The following SETD7 variants were observed in gnomAD, a reference collection of about 807,000 sequenced individuals.
The protein encoded by SETD7 is histone-lysine N-methyltransferase SETD7.
Under a neutral mutation model 41.8 loss-of-function variants are expected in SETD7, and 16 were observed. The observed-to-expected ratio is 0.38, with a 90% confidence interval of 0.26 to 0.58. The LOEUF is 0.58. SETD7 is among the 20% of genes least tolerant of loss of function. SETD7 has a pLI of 0.64. For missense variants in SETD7, 346 were observed against 459.7 expected (o/e 0.75, Z 2.26); for synonymous variants, 163 against 169.7 (o/e 0.96, Z 0.31).
intron 4 of SETD7, among the ~76,000 whole-genome samples, chr4:139,524,525 C>T (rs1359588617): frequency 6.6e-6 from 1 of 152,156 alleles, no homozygotes; most frequent in Non-Finnish European, 1.5e-5. Context: ...GGGCCTTCCT[C>T]ATGGGAGATG....
chr4:139,520,480 C>A lies in SETD7; in HGVS notation c.645-86G>T, dbSNP rs974495286. ...AACTGCCAAAATATCATTAAGGCTA[C>A]TGATTCCAAAATGTCAATTCATAAC... On this transcript the variant is annotated intron_variant, in intron 5 of 7. Transcript: ENST00000274031. 4 of 681,758 alleles carry A rather than the reference C, an allele frequency of 5.9e-6. No individual in the cohort carries two copies. The African/African-American group carries it at 7.3e-5, about 13-fold the overall frequency. 42.2% of individuals were successfully genotyped at this position (681,758 alleles called of 1,614,324 possible).
chr4:139,534,565 T>C (rs1173944800), intron 2 of SETD7, among the ~76,000 whole-genome samples: 1 of 152,108 alleles, frequency 6.6e-6, no homozygotes, highest in African/African-American at 2.4e-5. Context: ...ATTTTTGTTT[T>C]TTTTTGTAGA....
downstream of SETD7, among the ~76,000 whole-genome samples, chr4:139,504,734 G>A (rs1447748288): frequency 6.6e-6 from 1 of 152,086 alleles, no homozygotes; most frequent in African/African-American, 2.4e-5. Context: ...TAGTATAGCT[G>A]GGATGGTTAC....
chr4:139,534,219 T>G (rs1319170191), intron 2 of SETD7, among the ~76,000 whole-genome samples: 1 of 152,204 alleles, frequency 6.6e-6, no homozygotes, highest in East Asian at 1.9e-4. Flanking sequence ...TGTTATCCTC[T>G]GAAAGGCCCT....
At chr4:139,523,304 T>A in intron 5 of SETD7, 50 bp downstream of exon 5, 2 of 1,401,486 alleles carry the variant, frequency 1.4e-6, no homozygotes, top group African/African-American at 1.4e-5. Context: ...CCACTAGGCT[T>A]ATTTAACCTC....
At position 139,520,379 on chromosome 4, in the gene SETD7, T is replaced by G; in HGVS notation, c.660A>C (p.Glu220Asp). Residue 220 changes from glutamate (E) to aspartate (D), a missense_variant, in exon 6 of 8, where the codon GAA (glutamate) becomes GAC (aspartate). This residue lies in a region of SETD7 where 266 missense variants were observed against 377.0 expected (regional missense o/e 0.71). Transcript: ENST00000274031. ...CTTCTCCAGCACTGGAAATAAGAGA[T>G]TCAGCAACATAAACCCTAAATTGAA... The part of the protein sequence containing the change: ...PYESERVYVA[E>D]SLISSAGEGL... 1 of 1,603,638 alleles carries G rather than the reference T, an allele frequency of 6.2e-7. No homozygotes were observed. Among genetic ancestry groups the G allele is most frequent in the Non-Finnish European group, 8.5e-7 (1 of 1,173,988 alleles).
At chr4:139,552,843 CT>C (rs753954698) in intron 1 of SETD7, among the ~76,000 whole-genome samples, 1 of 152,330 alleles carries the variant, frequency 6.6e-6, no homozygotes, top group Non-Finnish European at 1.5e-5. Context: ...CACAATTCAT[CT>C]GTATAGATAT....
chr4:139,503,108 G>A (rs1322208042), downstream of SETD7, among the ~76,000 whole-genome samples: 1 of 148,664 alleles, frequency 6.7e-6, no homozygotes, highest in East Asian at 2.0e-4. Context: ...AACCTGGGAG[G>A]TGGAGGTTGC....
At chr4:139,512,736 CT>C (rs918983576) in intron 7 of SETD7, among the ~76,000 whole-genome samples, 14 of 136,352 alleles carry the variant, frequency 1.0e-4, no homozygotes, top group African/African-American at 2.7e-4. Flanking sequence ...CATTTAGAGT[CT>C]TTTTTTTTCT....
intron 7 of SETD7, among the ~76,000 whole-genome samples, chr4:139,516,332 G>A (rs114315373): frequency 0.094 from 14,235 of 151,978 alleles, 819 homozygotes; most frequent in South Asian, 0.17. Context: ...CATGCATAAT[G>A]GCAGGTGCCT....
intron 5 of SETD7, 42 bp downstream of exon 5, chr4:139,523,312 C>A: frequency 6.9e-7 from 1 of 1,441,384 alleles, no homozygotes; most frequent in East Asian, 2.3e-5. Flanking sequence ...CTTATTTAAC[C>A]TCACATAAAC....
rs111238885 is a variant in SETD7, at chr4:139,500,698, G to A, written c.921-4177C>T. Among the ~76,000 whole-genome samples the A allele has an allele frequency of 8.7e-3, 1,321 of 152,236 alleles. 13 individuals carry two copies. The highest frequency in any genetic ancestry group is 0.024 in the Middle Eastern group (7 of 294). ...TAATTTTTGTATTATCAGTAGAGAC[G>A]GGGTTTTGCCATGTTGGCAAGGCTG... On this transcript the variant is annotated intron_variant, in intron 7 of 7. Transcript: ENST00000506866.
At chr4:139,496,670 C>T (rs1407302468) in intron 7 of SETD7, 7 of 606,066 alleles carry the variant, frequency 1.2e-5, no homozygotes, top group African/African-American at 1.1e-4. Flanking sequence ...CTTTTGCTGG[C>T]TCTGACTTTT....
downstream of SETD7, among the ~76,000 whole-genome samples, chr4:139,495,780 A>G (rs1726443162): frequency 6.6e-6 from 1 of 152,206 alleles, no homozygotes; most frequent in Non-Finnish European, 1.5e-5. Context: ...ATATAAACGT[A>G]ATGTTTAATG....
chr4:139,529,368 T>C, intron 3 of SETD7, 148 bp from the exon 4 acceptor site: 1 of 578,188 alleles, frequency 1.7e-6, no homozygotes. Context: ...TTCACCTGGG[T>C]AAGAAAAACA....
chr4:139,508,305 C>G lies in SETD7; in HGVS notation c.*3358G>C, dbSNP rs1579198727. On this transcript the variant is annotated 3_prime_UTR_variant, in exon 8 of 8. Coordinates refer to ENST00000274031, the MANE Select transcript of SETD7 (RefSeq NM_030648.4). ...CAAAGAGCTCTTGGAAAACTAATTTCCTTCTTAGTGTCTCAGGTAGATCAA... is the reference window on the plus strand; with the variant it reads ...CAAAGAGCTCTTGGAAAACTAATTTGCTTCTTAGTGTCTCAGGTAGATCAA... The G allele has an allele frequency of 6.6e-6, 1 of 152,216 alleles. No homozygotes were observed. Among genetic ancestry groups the G allele is most frequent in the South Asian group, 2.1e-4 (1 of 4,818 alleles). 9.4% of individuals were successfully genotyped at this position (152,216 alleles called of 1,614,324 possible).
chr4:139,545,075 A>G (rs936477493), intron 2 of SETD7, among the ~76,000 whole-genome samples: 1 of 152,208 alleles, frequency 6.6e-6, no homozygotes, highest in African/African-American at 2.4e-5. Flanking sequence ...TAAGGTTAAA[A>G]GTGACACTTT....
intron 2 of SETD7, among the ~76,000 whole-genome samples, chr4:139,539,241 T>A (rs1455764236): frequency 6.6e-6 from 1 of 152,192 alleles, no homozygotes; most frequent in Non-Finnish European, 1.5e-5. Context: ...CGAGAGGAAA[T>A]TTTAAAAATG....
intron 3 of SETD7, 37 bp downstream of exon 3, chr4:139,533,128 G>A (rs1246438099): frequency 9.7e-6 from 15 of 1,547,540 alleles, no homozygotes; most frequent in South Asian, 4.5e-5. Flanking sequence ...GTCACAGTAT[G>A]TTACTTTCCA....
Sources: allele counts gnomAD v4.1 joint callset (sites outside exome capture counted in the v4.1 genomes callset), GRCh38; gene constraint gnomAD v4.1.1; regional missense constraint gnomAD v4.1.1; transcripts MANE v1.5; gene names NCBI Gene and HGNC (gene_info 2026-07-23, HGNC 2026-07-21).